Variants in CSF1 observed in about 807,000 individuals in gnomAD.
CSF1 encodes the protein macrophage colony-stimulating factor 1.
Under a neutral mutation model 48.9 loss-of-function variants are expected in CSF1, and 9 were observed. The observed-to-expected ratio is 0.18, with a 90% CI of 0.11 to 0.32. The LOEUF is 0.32. Among genes scored for constraint, CSF1 ranks in the 10% least tolerant of loss-of-function variants. The pLI, the probability that CSF1 is intolerant of heterozygous loss-of-function variation, is 1.00. For synonymous variants in CSF1, 305 were observed against 284.1 expected, an observed-to-expected ratio of 1.07 and a Z score of -0.74; for missense variants, 672 against 697.9, an observed-to-expected ratio of 0.96 and a Z score of 0.42.
chr1:109,911,151 A>G, intron 1 of CSF1, 89 bp downstream of exon 1: 1 of 834,784 alleles, frequency 1.2e-6, no homozygotes, highest in Admixed American at 6.1e-5. Context: ...CGGAGCCGAC[A>G]GCCTGGGCGC....
Position 109,923,250 on chromosome 1 carries a change from C to T in CSF1, c.629C>T (p.Pro210Leu), listed in dbSNP as rs1341218034. 2.5e-6 allele frequency: 4 copies of T among 1,602,790 alleles called. No individual in the cohort carries two copies. In the South Asian group the frequency reaches 4.5e-5, roughly 18 times the overall value. The change falls in exon 6 of 9, where the codon CCC (proline) becomes CTC (leucine). Residue 210 changes from proline to leucine, a missense_variant. Pro to Leu is a moderately conservative substitution (Grantham distance 98). This residue lies in a region of CSF1 where 591 missense variants were observed against 593.6 expected (regional missense o/e 1.00). Coordinates refer to ENST00000329608, the MANE Select transcript of CSF1 (RefSeq NM_000757.6). ...CCGGCCTCTGTCTCCCCTCATCAGC[C>T]CCTCGCCCCCTCCATGGCCCCTGTG... ...SDPASVSPHQ[P>L]LAPSMAPVAG...
At chr1:109,916,100 G>A (rs1478236145) in intron 3 of CSF1, among the ~76,000 whole-genome samples, 1 of 152,134 alleles carries the variant, frequency 6.6e-6, no homozygotes, top group Non-Finnish European at 1.5e-5. Flanking sequence ...TTTGCTTAAG[G>A]ATGTCACTTC....
Position 109,922,099 on chromosome 1 carries a change from C to T in CSF1, c.544+105C>T, listed in dbSNP as rs530586578. The T allele has an allele frequency of 1.7e-4, 226 of 1,348,504 alleles. 2 individuals carry two copies. In the South Asian group the frequency reaches 3.2e-3, roughly 19 times the overall value. The allele number at this position is 1,348,504 out of a possible 1,614,324, so 83.5% of individuals were successfully genotyped here. On this transcript the variant is annotated intron_variant, in intron 5 of 8. Transcript: ENST00000329608. ...GGGGACCCCTGGGGAGGCAGCCTGG[C>T]TGCTACTCGTGTTCCCGTGTGCATG...
intron 5 of CSF1, among the ~76,000 whole-genome samples, chr1:109,922,905 T>C (rs1647628543): frequency 6.6e-6 from 1 of 152,138 alleles, no homozygotes; most frequent in Admixed American, 6.5e-5. Flanking sequence ...TTCTCTTATC[T>C]TCCTTCTCCC....
At chr1:109,919,785 C>T (rs1168027371) in intron 4 of CSF1, among the ~76,000 whole-genome samples, 1 of 151,570 alleles carries the variant, frequency 6.6e-6, no homozygotes, top group Non-Finnish European at 1.5e-5. Flanking sequence ...AGGGCGAAAC[C>T]CCATCTTTAC....
chr1:109,923,978 G>A lies in CSF1; in HGVS notation c.1357G>A (p.Ala453Thr), dbSNP rs199611165. The A allele has an allele frequency of 4.4e-5, 71 of 1,614,194 alleles. No individual in the cohort carries two copies. Among genetic ancestry groups the A allele is most frequent in the Admixed American group, 1.3e-4 (8 of 60,030 alleles). The stretch of plus-strand genomic sequence containing the variant: ...GAGCACCAGGGATCGGAGGAGCCCC[G>A]CAGAGCCAGAAGGAGGACCAGCAAG... ...RRSTRDRRSP[A>T]EPEGGPASEG... The change falls in exon 6 of 9, where the codon GCA (alanine) becomes ACA (threonine). Residue 453 changes from alanine (A) to threonine (T), a missense_variant. This residue lies in a region of CSF1 where 591 missense variants were observed against 593.6 expected (regional missense o/e 1.00). Transcript: ENST00000329608.
chr1:109,921,826 G>A (rs1471628054), intron 4 of CSF1, 21 bp from the exon 5 acceptor site: 1 of 1,539,774 alleles, frequency 6.5e-7, no homozygotes, highest in Non-Finnish European at 8.8e-7. Context: ...CTCACAAAAG[G>A]GGGCCCTGAT....
chr1:109,921,815 G>A (rs1647558828), intron 4 of CSF1, 32 bp from the exon 5 acceptor site: 1 of 1,525,542 alleles, frequency 6.6e-7, no homozygotes, highest in Non-Finnish European at 8.8e-7. Context: ...CAATGGTCAT[G>A]CTCACAAAAG....
rs1313084553 is a variant in CSF1 at position 109,930,579 on chromosome 1, T to C, written c.*1741T>C. ...GACAGCTTAGGGAAGGGCAGTGAAC[T>C]TGCATATGGGGCTTAGCCTTCTAGT... On this transcript the variant is annotated 3_prime_UTR_variant, in exon 9 of 9. Coordinates refer to ENST00000329608, the MANE Select transcript of CSF1 (RefSeq NM_000757.6). The C allele has an allele frequency of 6.6e-6, 1 of 152,198 alleles. No homozygotes were observed. The highest frequency in any genetic ancestry group is 1.5e-5 in the Non-Finnish European group (1 of 68,034). 9.4% of individuals were successfully genotyped at this position (152,198 alleles called of 1,614,324 possible). A position where few individuals can be genotyped will look rare whatever the true frequency, so the allele number is the denominator to read the frequency against.
chr1:109,919,975 TA>T (rs897795427), intron 4 of CSF1, among the ~76,000 whole-genome samples: 1 of 144,978 alleles, frequency 6.9e-6, no homozygotes, highest in Non-Finnish European at 1.5e-5. Context: ...AATAAATAAA[TA>T]AAAGACTGAA....
chr1:109,920,582 G>T (rs1401607000), intron 4 of CSF1, among the ~76,000 whole-genome samples: 1 of 152,184 alleles, frequency 6.6e-6, no homozygotes, highest in Non-Finnish European at 1.5e-5. Flanking sequence ...CTCCCAACAT[G>T]CTGGGATTAC....
At chr1:109,918,954 G>C (rs781075255) in intron 4 of CSF1, among the ~76,000 whole-genome samples, 3 of 152,046 alleles carry the variant, frequency 2.0e-5, no homozygotes, top group Non-Finnish European at 4.4e-5. Context: ...GACCTGGCAA[G>C]GGGCAGCCTG....
chr1:109,920,121 C>T (rs1483070695), intron 4 of CSF1, among the ~76,000 whole-genome samples: 1 of 150,902 alleles, frequency 6.6e-6, no homozygotes, highest in Non-Finnish European at 1.5e-5. Flanking sequence ...AGCTAGCTCC[C>T]AGCAAGTCTC....
At chr1:109,924,489 G>A (rs1181340527) in intron 6 of CSF1, among the ~76,000 whole-genome samples, 1 of 152,142 alleles carries the variant, frequency 6.6e-6, no homozygotes, top group East Asian at 1.9e-4. Flanking sequence ...GGAGAGCAAT[G>A]CTGTGTGAGC....
chr1:109,923,768 AC>A lies in CSF1; in HGVS notation c.1153del (p.Gln385ArgfsTer92), dbSNP rs1557737366. 1 of 1,606,834 alleles carries A rather than the reference AC, an allele frequency of 6.2e-7. No homozygotes were observed. The highest frequency in any genetic ancestry group is 2.2e-5 in the East Asian group (1 of 44,774). On this transcript the variant is annotated frameshift_variant, in exon 6 of 9. Coordinates refer to ENST00000329608, the MANE Select transcript of CSF1 (RefSeq NM_000757.6). LOFTEE classifies it high-confidence loss of function. ...GCCCACTGGCCAGGACTGGAATCAC[AC>A]CCCCCAGAAGACAGACCATCCATCT... ...VRPTGQDWNH[T>X]PQKTDHPSAL...
At chr1:109,926,925 G>A (rs895344147) in intron 8 of CSF1, among the ~76,000 whole-genome samples, 4 of 152,144 alleles carry the variant, frequency 2.6e-5, no homozygotes, top group Admixed American at 1.3e-4. Context: ...TGCAATAAAT[G>A]TTGACTGACT....
Position 109,922,115 on chromosome 1 carries a change from CG to C in CSF1, c.544+122del. ...GCAGCCTGGCTGCTACTCGTGTTCC[CG>C]TGTGCATGAATGTGCTTGTTCTGTG... On this transcript the variant is annotated intron_variant, in intron 5 of 8. Transcript: ENST00000329608. 6 of 1,180,150 alleles carry C rather than the reference CG, an allele frequency of 5.1e-6. No homozygotes were observed. The South Asian group carries it at 9.5e-5, about 19-fold the overall frequency. The allele number at this position is 1,180,150 out of a possible 1,614,324, so 73.1% of individuals were successfully genotyped here. A position where few individuals can be genotyped will look rare whatever the true frequency, so the allele number is the denominator to read the frequency against.
At chr1:109,924,281 G>A (rs564534457) in intron 6 of CSF1, 91 bp downstream of exon 6, 18 of 1,159,114 alleles carry the variant, frequency 1.6e-5, no homozygotes, top group East Asian at 5.1e-5. Flanking sequence ...GCTTGGGTGC[G>A]GCCTGAGTTC....
At chr1:109,919,927 A>AAAT (rs1647447873) in intron 4 of CSF1, among the ~76,000 whole-genome samples, 1 of 146,286 alleles carries the variant, frequency 6.8e-6, no homozygotes, top group South Asian at 2.2e-4. Flanking sequence ...ACTCCATCTC[A>AAAT]AAATAAATAA....
Sources: allele counts gnomAD v4.1 joint callset (sites outside exome capture counted in the v4.1 genomes callset), GRCh38; gene constraint gnomAD v4.1.1; regional missense constraint gnomAD v4.1.1; transcripts MANE v1.5; gene names NCBI Gene and HGNC (gene_info 2026-07-23, HGNC 2026-07-21).